Variants in MTMR10 observed in about 807,000 individuals in gnomAD.
The protein encoded by MTMR10 is myotubularin related protein 10.
A neutral mutation model predicts 88.1 loss-of-function variants in MTMR10; 56 were observed. That is an observed-to-expected ratio of 0.64 (90% CI 0.51 to 0.79). The LOEUF (loss-of-function observed/expected upper bound fraction) is 0.79. Ranked by LOEUF, MTMR10 falls within the 30% of genes least tolerant of loss-of-function variation. MTMR10 has a pLI of 0.00. For missense variants in MTMR10, 883 were observed against 924.7 expected, an observed-to-expected ratio of 0.95 and a Z score of 0.58; for synonymous variants, 380 against 340.9, an observed-to-expected ratio of 1.11 and a Z score of -1.26.
intron 9 of MTMR10, among the ~76,000 whole-genome samples, chr15:30,957,655 G>A (rs2063345691): frequency 6.6e-6 from 1 of 152,002 alleles, no homozygotes; most frequent in Non-Finnish European, 1.5e-5. Context: ...CCCGGGAGCC[G>A]AGATCGTACC....
intron 7 of MTMR10, 92 bp from the exon 8 acceptor site, chr15:30,959,213 C>T (rs1430969050): frequency 8.4e-6 from 10 of 1,184,712 alleles, no homozygotes; most frequent in East Asian, 7.7e-5. Flanking sequence ...GCAAGTTGTC[C>T]GCATTTAATG....
chr15:30,936,777 AC>A (rs1441025260), downstream of MTMR10, among the ~76,000 whole-genome samples: 1 of 152,228 alleles, frequency 6.6e-6, no homozygotes, highest in East Asian at 1.9e-4. Flanking sequence ...CATGTAGTTC[AC>A]TGCAAACCGT....
At chr15:30,945,939 C>G (rs576415401) in intron 14 of MTMR10, among the ~76,000 whole-genome samples, 12 of 152,336 alleles carry the variant, frequency 7.9e-5, no homozygotes, top group Admixed American at 2.0e-4. Context: ...CAGGTGCGCA[C>G]CACCATGTCT....
At chr15:30,936,769 T>C (rs956052171), downstream of MTMR10, among the ~76,000 whole-genome samples, 2 of 152,210 alleles carry the variant, frequency 1.3e-5, no homozygotes, top group African/African-American at 2.4e-5. Context: ...GGGCAGATCA[T>C]GTAGTTCACT....
chr15:30,973,615 C>T (rs1019229670), intron 5 of MTMR10, among the ~76,000 whole-genome samples: 11 of 152,104 alleles, frequency 7.2e-5, no homozygotes, highest in East Asian at 3.8e-4. Context: ...CCCATACACA[C>T]GCGCAAGCTT....
At position 30,976,951 on chromosome 15, in the gene MTMR10, T is replaced by C; in HGVS notation, c.126A>G (p.Glu42=). 6.2e-7 allele frequency: 1 copy of C among 1,611,628 alleles called. No homozygotes were observed. The highest frequency in any genetic ancestry group is 2.2e-5 in the East Asian group (1 of 44,842). Residue 42 remains glutamate (E), a synonymous_variant, in exon 3 of 16, where the codon GAA becomes GAG. Coordinates refer to ENST00000435680, the MANE Select transcript of MTMR10 (RefSeq NM_017762.3). ...CAAAATTGACTTCATTTACGACAAT[T>C]TCTCCTTTAAAAAAAGAAAAATATT... ...KKLEPVLLPG[E]IVVNEVNFVR... is the part of the protein sequence containing the mutation.
the MTMR10 span, chr15:30,925,900 C>G: frequency 6.2e-7 from 1 of 1,614,230 alleles, no homozygotes; most frequent in Admixed American, 1.7e-5. Flanking sequence ...TGTGGAGGAG[C>G]TGGCACTGGC....
intron 5 of MTMR10, among the ~76,000 whole-genome samples, chr15:30,971,765 G>A (rs2063540998): frequency 6.6e-6 from 1 of 152,096 alleles, no homozygotes; most frequent in Admixed American, 6.5e-5. Context: ...AAAAGAAAAT[G>A]GTGGTTCTAA....
downstream of MTMR10, among the ~76,000 whole-genome samples, chr15:30,934,751 T>C (rs915662596): frequency 2.6e-5 from 4 of 152,212 alleles, no homozygotes; most frequent in African/African-American, 9.6e-5. Context: ...TGTGTTGAAG[T>C]GGTTGCGTTA....
intron 14 of MTMR10, chr15:30,943,988 T>C: frequency 1.0e-6 from 1 of 985,394 alleles, no homozygotes; most frequent in Non-Finnish European, 1.2e-6. Context: ...GATTCTTTGT[T>C]CTGTACCTTT....
chr15:30,942,450 C>T lies in MTMR10; in HGVS notation c.1732-378G>A, dbSNP rs576579443. ...CAAATGTCTGATTCTTTGTTCTGTA[C>T]CTTTCAGTAGTCTGCAAATTTTCTA... is the stretch of plus-strand genomic sequence containing the variant. On this transcript the variant is annotated intron_variant, in intron 15 of 15. Transcript: ENST00000435680. The T allele has an allele frequency of 2.7e-3, 794 of 296,288 alleles. 8 individuals carry two copies. Among genetic ancestry groups the T allele is most frequent in the Non-Finnish European group, 2.7e-3 (440 of 160,540 alleles). 18.4% of individuals were successfully genotyped at this position (296,288 alleles called of 1,614,324 possible).
At chr15:30,920,683 T>TCACATCAG in the MTMR10 span, 4 of 1,303,998 alleles carry the variant, frequency 3.1e-6, no homozygotes, top group Non-Finnish European at 4.4e-6. Flanking sequence ...CCCCCCACCA[T>TCACATCAG]TACTGATGTG....
the MTMR10 span, chr15:30,925,420 T>G: frequency 1.1e-6 from 1 of 912,366 alleles, no homozygotes; most frequent in Admixed American, 2.7e-5. Flanking sequence ...AAACTCGTTT[T>G]GGACGGCTGT....
Position 30,941,985 on chromosome 15 carries a change from A to C in MTMR10, c.1819T>G (p.Ser607Ala). The C allele has an allele frequency of 6.2e-7, 1 of 1,613,870 alleles. No homozygotes were observed. Among genetic ancestry groups the C allele is most frequent in the Non-Finnish European group, 8.5e-7 (1 of 1,179,882 alleles). ...SDQELLPRRN[S>A]LILKPKPDPA... ...TCTGGCTTTGGTTTTAATATCAATG[A>C]ATTTCTCCTTGGAAGTAATTCTTGG... The change falls in exon 16 of 16, where the codon TCA becomes GCA. Residue 607 changes from serine (S) to alanine (A), a missense_variant. By Grantham distance (99) the Ser-to-Ala change is moderately conservative. This residue lies in a region of MTMR10 where 343 missense variants were observed against 323.2 expected (regional missense o/e 1.06). Coordinates refer to ENST00000435680, the MANE Select transcript of MTMR10 (RefSeq NM_017762.3).
chr15:30,943,574 C>G, intron 14 of MTMR10: 1 of 984,662 alleles, frequency 1.0e-6, no homozygotes, highest in Non-Finnish European at 1.2e-6. Flanking sequence ...AAATCACAGA[C>G]CACAGACTCA....
Position 30,976,972 on chromosome 15 carries a change from A to T in MTMR10, c.122-17T>A, listed in dbSNP as rs1056671037. ...CAATTTCTCCTTTAAAAAAAGAAAA[A>T]TATTTGTAAGGTACTTTGTCATAAA... On this transcript the variant is annotated splice_polypyrimidine_tract_variant and intron_variant, in intron 2 of 15. Coordinates refer to ENST00000435680, the MANE Select transcript of MTMR10 (RefSeq NM_017762.3). The T allele has an allele frequency of 1.6e-5, 25 of 1,608,430 alleles. No individual in the cohort carries two copies. The highest frequency in any genetic ancestry group is 8.4e-5 in the Admixed American group (5 of 59,308).
intron 2 of MTMR10, among the ~76,000 whole-genome samples, chr15:30,982,673 G>C (rs902527350): frequency 4.6e-5 from 7 of 152,176 alleles, no homozygotes; most frequent in Admixed American, 3.3e-4. Flanking sequence ...TGCTACAATT[G>C]GGTCTTCCTA....
Position 30,939,208 on chromosome 15 carries a change from T to C in MTMR10, c.*2262A>G, listed in dbSNP as rs938360420. The C allele has an allele frequency of 7.1e-6, 7 of 985,434 alleles. No homozygotes were observed. The highest frequency in any genetic ancestry group is 6.0e-6 in the Non-Finnish European group (5 of 829,882). The allele number at this position is 985,434 out of a possible 1,614,324, so 61.0% of individuals were successfully genotyped here. On this transcript the variant is annotated 3_prime_UTR_variant, in exon 16 of 16. Coordinates refer to ENST00000435680, the MANE Select transcript of MTMR10 (RefSeq NM_017762.3). ...TTCCTTAAATAAAGTTAGTTAGCTA[T>C]TTTTGGTTTCAAAATCAGTTTCCAT... is the stretch of plus-strand genomic sequence containing the variant.
intron 2 of MTMR10, 41 bp downstream of exon 2, chr15:30,990,736 A>G: frequency 6.5e-7 from 1 of 1,547,872 alleles, no homozygotes. Context: ...AAACCAAAAT[A>G]CGTTGCTAAA....
Sources: gnomAD v4.1 joint callset for allele counts (sites outside exome capture counted in the v4.1 genomes callset) on GRCh38, gnomAD v4.1.1 for gene constraint, gnomAD v4.1.1 regional missense constraint, MANE v1.5 for transcripts, NCBI Gene and HGNC (gene_info 2026-07-23, HGNC 2026-07-21) for gene names.